Variants in ITIH4 observed in about 807,000 individuals in gnomAD.
ITIH4 encodes the protein inter-alpha-trypsin inhibitor heavy chain 4.
ITIH4 carries 79 observed loss-of-function variants against 111.8 expected under a neutral mutation model. That is an observed-to-expected ratio of 0.71 (90% CI 0.59 to 0.85). ITIH4 has a LOEUF of 0.85. Among genes scored for constraint, ITIH4 ranks in the 40% least tolerant of loss-of-function variants. The pLI, the probability that ITIH4 is intolerant of heterozygous loss-of-function variation, is 0.00. For synonymous variants in ITIH4, 472 were observed against 468.3 expected, an observed-to-expected ratio of 1.01 and a Z score of -0.10; for missense variants, 1,065 against 1,195.8, an observed-to-expected ratio of 0.89 and a Z score of 1.61.
chr3:52,828,924 G>T (rs551698563), intron 2 of ITIH4, among the ~76,000 whole-genome samples, 195 bp downstream of exon 2: 1 of 152,298 alleles, frequency 6.6e-6, no homozygotes, highest in East Asian at 1.9e-4. Context: ...GCTGGATGGA[G>T]GGAAGGACGG....
At chr3:52,819,658 TCTCC>T in intron 16 of ITIH4, 92 bp downstream of exon 16, 2 of 1,564,308 alleles carry the variant, frequency 1.3e-6, no homozygotes, top group Non-Finnish European at 1.8e-6. Flanking sequence ...TTGGGGAGCC[TCTCC>T]CCCAACAGCT....
In ITIH4 at chr3:52,818,469, T is replaced by C. The variant is rs750104297; in HGVS notation, c.2145A>G (p.Lys715=). The C allele has an allele frequency of 6.2e-7, 1 of 1,602,420 alleles. No individual in the cohort carries two copies. Among genetic ancestry groups the C allele is most frequent in the Non-Finnish European group, 8.5e-7 (1 of 1,174,264 alleles). The change falls in exon 18 of 24, where the codon AAA becomes AAG. Residue 715 remains lysine (K), a synonymous_variant. Transcript: ENST00000266041. ...CTCTGGCCTTGGGGGCACCTTCGAT[T>C]TTCATATTCATGACACGAGACACAG... ...DPAVSRVMNM[K]IEETTMTTQT...
At position 52,821,033 on chromosome 3, in the gene ITIH4, C is replaced by CT. The variant is rs1184163667; in HGVS notation, c.1636dup (p.Arg546LysfsTer22). Reference sequence around the variant, plus strand: ...CTGGATAGTCAGGTATGCCCAGAGCCTCTCCATGAAGTTGTGGAAGATATA... The same window carrying CT: ...CTGGATAGTCAGGTATGCCCAGAGCCTTCTCCATGAAGTTGTGGAAGATATA... On this transcript the variant is annotated frameshift_variant, in exon 12 of 24. Coordinates refer to ENST00000266041, the MANE Select transcript of ITIH4 (RefSeq NM_002218.5). LOFTEE classifies it high-confidence loss of function. 6.2e-7 allele frequency: 1 copy of CT among 1,614,028 alleles called. No homozygotes were observed. Among genetic ancestry groups the CT allele is most frequent in the African/African-American group, 1.3e-5 (1 of 74,928 alleles).
chr3:52,817,100 C>A lies in ITIH4; in HGVS notation c.2297-42G>T, dbSNP rs376929957. On this transcript the variant is annotated intron_variant, in intron 20 of 23. Coordinates refer to ENST00000266041, the MANE Select transcript of ITIH4 (RefSeq NM_002218.5). ...AGAGAGGTCATAGCTGGGCCCCAGCCAGGTCTGACACCGACCTGCATGGGG... is the reference window on the plus strand; with the variant it reads ...AGAGAGGTCATAGCTGGGCCCCAGCAAGGTCTGACACCGACCTGCATGGGG... The A allele has an allele frequency of 2.4e-5, 38 of 1,575,906 alleles. No homozygotes were observed. In the African/African-American group the frequency reaches 5.0e-4, roughly 21 times the overall value.
intron 1 of ITIH4, chr3:52,829,821 G>A (rs1387057713): frequency 6.2e-6 from 1 of 160,056 alleles, no homozygotes; most frequent in Non-Finnish European, 1.4e-5. Flanking sequence ...GTAGACTAGA[G>A]TCTGGTCTCT....
In ITIH4 at chr3:52,824,096, C is replaced by T. The variant is rs1043755007; in HGVS notation, c.1172-92G>A. 1 of 1,572,660 alleles carries T rather than the reference C, an allele frequency of 6.4e-7. No individual in the cohort carries two copies. Among genetic ancestry groups the T allele is most frequent in the East Asian group, 2.3e-5 (1 of 44,344 alleles). ...TCAGAGCCGAGGGGCCTCAGTGACC[C>T]CCTCTCCCTGCCCAGATCCCACAGC... On this transcript the variant is annotated intron_variant, in intron 9 of 23. Coordinates refer to ENST00000266041, the MANE Select transcript of ITIH4 (RefSeq NM_002218.5). This position sits in a 1 kb window ranked among gnomAD's most constrained non-coding sequence, Gnocchi z 4.3.
Position 52,824,433 on chromosome 3 carries a change from C to A in ITIH4, c.1009G>T (p.Ala337Ser). The change falls in exon 8 of 24, where the codon GCC becomes TCC. Residue 337 changes from alanine (A) to serine (S), a missense_variant. By Grantham distance (99) the Ala-to-Ser change is moderately conservative. Transcript: ENST00000266041. The surrounding 1 kb of genome is among the most constrained non-coding windows in gnomAD (Gnocchi z 4.3). ...VPASAENVNKARSFAAGIQAL... is the reference protein window; with the variant it reads ...VPASAENVNKSRSFAAGIQAL... ...TGGATGCCCGCAGCAAAGCTCCTGG[C>A]CTTGTTCACGTTCTCGGCTGAGGCT... The A allele has an allele frequency of 6.2e-7, 1 of 1,614,192 alleles. No individual in the cohort carries two copies.
At position 52,813,304 on chromosome 3, in the gene ITIH4, C is replaced by A. The variant is rs1700222543; in HGVS notation, c.*117G>T. On this transcript the variant is annotated 3_prime_UTR_variant, in exon 24 of 24. Transcript: ENST00000266041. ...CACTTCCCAGGCTCACACCACCTTTCTTTATTTGTAATGAGTGGGACTCTT... is the reference window on the plus strand; with the variant it reads ...CACTTCCCAGGCTCACACCACCTTTATTTATTTGTAATGAGTGGGACTCTT... The A allele has an allele frequency of 4.3e-6, 4 of 935,546 alleles. No individual in the cohort carries two copies. Among genetic ancestry groups the A allele is most frequent in the African/African-American group, 1.6e-5 (1 of 61,262 alleles). 58.0% of individuals were successfully genotyped at this position (935,546 alleles called of 1,614,324 possible). A position where few individuals can be genotyped will look rare whatever the true frequency, so the allele number is the denominator to read the frequency against.
intron 11 of ITIH4, among the ~76,000 whole-genome samples, chr3:52,823,119 GAGGC>G (rs917263037): frequency 6.6e-6 from 1 of 152,216 alleles, no homozygotes; most frequent in African/African-American, 2.4e-5. Flanking sequence ...TCCCTGGAAG[GAGGC>G]AGGGAAGGCT....
Position 52,829,213 on chromosome 3 carries a change from C to T in ITIH4, c.157G>A (p.Val53Ile), listed in dbSNP as rs572371573. 1.4e-5 allele frequency: 23 copies of T among 1,613,732 alleles called. No individual in the cohort carries two copies. Among genetic ancestry groups the T allele is most frequent in the East Asian group, 2.2e-5 (1 of 44,860 alleles). Residue 53 changes from valine (V) to isoleucine (I), a missense_variant, in exon 2 of 24, where the codon GTC (valine) becomes ATC (isoleucine). Coordinates refer to ENST00000266041, the MANE Select transcript of ITIH4 (RefSeq NM_002218.5). ...GCCCTATTGACCACTCGGCTGGTGA[C>T]GACCGTGTGGGCAAATCGGGATGAG... ...RVSSRFAHTV[V>I]TSRVVNRANT...
At position 52,824,189 on chromosome 3, in the gene ITIH4, C is replaced by A; in HGVS notation, c.1171+1G>T. On this transcript the variant is annotated splice_donor_variant, in intron 9 of 23. Coordinates refer to ENST00000266041, the MANE Select transcript of ITIH4 (RefSeq NM_002218.5). LOFTEE classifies it high-confidence loss of function. The surrounding 1 kb of genome is among the most constrained non-coding windows in gnomAD (Gnocchi z 4.3). Reference sequence around the variant, plus strand: ...CCTGGAGTCACGGGCAGGGCCCTCACCCACAGTGGGGTCGCCATCGGTGAG... The same window carrying A: ...CCTGGAGTCACGGGCAGGGCCCTCAACCACAGTGGGGTCGCCATCGGTGAG... 6.2e-7 allele frequency: 1 copy of A among 1,613,198 alleles called. No homozygotes were observed. Among genetic ancestry groups the A allele is most frequent in the Non-Finnish European group, 8.5e-7 (1 of 1,179,932 alleles).
At chr3:52,817,183 G>T in intron 20 of ITIH4, 125 bp from the exon 21 acceptor site, 1 of 727,728 alleles carries the variant, frequency 1.4e-6, no homozygotes, top group East Asian at 2.7e-5. Flanking sequence ...TCATCAGGAG[G>T]GGTGCCCCTT....
chr3:52,826,933 T>C lies in ITIH4; in HGVS notation c.377A>G (p.Glu126Gly). 6.2e-7 allele frequency: 1 copy of C among 1,614,018 alleles called. No homozygotes were observed. Among genetic ancestry groups the C allele is most frequent in the Non-Finnish European group, 8.5e-7 (1 of 1,179,988 alleles). Reference protein sequence around the residue: ...GLVKATGRNMEQFQVSVSVAP... With the variant: ...GLVKATGRNMGQFQVSVSVAP... ...CACACTGACCGACACCTGGAACTGC[T>C]CCATGTTTCTCCCGGTGGCCCTGGG... The change falls in exon 4 of 24, where the codon GAG (glutamate) becomes GGG (glycine). Residue 126 changes from glutamate to glycine, a missense_variant. By Grantham distance (98) the Glu-to-Gly change is moderately conservative. Transcript: ENST00000266041.
At position 52,816,865 on chromosome 3, in the gene ITIH4, G is replaced by A; in HGVS notation, c.2471+19C>T. The A allele has an allele frequency of 2.5e-6, 4 of 1,609,670 alleles. No individual in the cohort carries two copies. The South Asian group carries it at 4.4e-5, about 18-fold the overall frequency. ...CCTGAAAGGTCAACCCCTGCCCCGG[G>A]CTCCAGCCTGGGCCTTACCCGGGCA... On this transcript the variant is annotated intron_variant, in intron 21 of 23. Transcript: ENST00000266041.
chr3:52,828,982 G>A (rs555369146), intron 2 of ITIH4, 137 bp downstream of exon 2: 2 of 698,508 alleles, frequency 2.9e-6, no homozygotes, highest in Non-Finnish European at 2.2e-6. Context: ...TTCCTGTGTG[G>A]CCCCAGGTGC....
At chr3:52,820,508 T>C in intron 13 of ITIH4, 123 bp downstream of exon 13, 1 of 1,277,480 alleles carries the variant, frequency 7.8e-7, no homozygotes. Flanking sequence ...ATAGGCTGAA[T>C]CTCCCAGGGG....
intron 11 of ITIH4, among the ~76,000 whole-genome samples, chr3:52,822,629 C>A (rs1023240159): frequency 3.3e-5 from 5 of 152,198 alleles, no homozygotes; most frequent in Non-Finnish European, 5.9e-5. Context: ...GGTTAAGTGA[C>A]TTCTCCATGT....
intron 1 of ITIH4, chr3:52,829,973 C>T: frequency 4.3e-6 from 1 of 230,064 alleles, no homozygotes; most frequent in Non-Finnish European, 8.6e-6. Context: ...CTCTTACCTG[C>T]TTGTGTGTGA....
chr3:52,820,455 TTTGG>T, intron 13 of ITIH4, 138 bp from the exon 14 acceptor site: 1 of 1,177,556 alleles, frequency 8.5e-7, no homozygotes, highest in African/African-American at 1.5e-5. Flanking sequence ...GTGCAATGAA[TTTGG>T]GGAGACAGGA....
Sources: allele counts gnomAD v4.1 joint callset (sites outside exome capture counted in the v4.1 genomes callset), GRCh38; gene constraint gnomAD v4.1.1; non-coding constraint Gnocchi (gnomAD v3.1); transcripts MANE v1.5; gene names NCBI Gene and HGNC (gene_info 2026-07-23, HGNC 2026-07-21).